The following TAF5L variants were observed in gnomAD, a reference collection of about 807,000 sequenced individuals.
The protein encoded by TAF5L is TAF5-like RNA polymerase II p300/CBP-associated factor-associated factor 65 kDa subunit 5L.
TAF5L carries 7 observed loss-of-function variants against 51.3 expected under a neutral mutation model. That is an observed-to-expected ratio of 0.14 (90% CI 0.08 to 0.26). The LOEUF (loss-of-function observed/expected upper bound fraction) is 0.26. TAF5L is among the 10% of genes least tolerant of loss of function. The probability of loss-of-function intolerance (pLI) is 1.00; values close to 1 mark genes in which losing one functional copy is unlikely to be tolerated. For synonymous variants in TAF5L, 291 were observed against 308.1 expected (o/e 0.94, Z 0.58); for missense variants, 575 against 758.9 (o/e 0.76, Z 2.85).
intron 2 of TAF5L, among the ~76,000 whole-genome samples, chr1:229,613,441 G>T (rs1278591468): frequency 1.3e-5 from 2 of 152,014 alleles, no homozygotes; most frequent in Non-Finnish European, 1.5e-5. Context: ...TCGGCCCTCT[G>T]TATCTGTGGG....
intron 1 of TAF5L, among the ~76,000 whole-genome samples, chr1:229,624,429 G>A (rs531590572): frequency 1.6e-4 from 24 of 152,126 alleles, no homozygotes; most frequent in Non-Finnish European, 3.4e-4. Context: ...TAGGACTACA[G>A]GGAACCTAGA....
At chr1:229,613,605 T>C (rs527892724) in intron 2 of TAF5L, among the ~76,000 whole-genome samples, 18 of 152,292 alleles carry the variant, frequency 1.2e-4, no homozygotes, top group African/African-American at 4.3e-4. Flanking sequence ...TTAGGAATTA[T>C]AAGTAATCTA....
At chr1:229,615,522 G>T (rs1664948204) in intron 1 of TAF5L, among the ~76,000 whole-genome samples, 1 of 151,928 alleles carries the variant, frequency 6.6e-6, no homozygotes, top group South Asian at 2.1e-4. Context: ...TGTAAGAAAG[G>T]AAAGTGGTAG....
intron 1 of TAF5L, among the ~76,000 whole-genome samples, chr1:229,614,966 C>A (rs1181656573): frequency 1.3e-5 from 2 of 152,158 alleles, no homozygotes; most frequent in Non-Finnish European, 2.9e-5. Flanking sequence ...TAGATGTTAA[C>A]AAAGCATGAA....
At chr1:229,606,813 ACCT>A in intron 3 of TAF5L, 2 of 985,262 alleles carry the variant, frequency 2.0e-6, no homozygotes, top group Non-Finnish European at 2.4e-6. Flanking sequence ...TTCCCACTAC[ACCT>A]CCTGAAGAAT....
chr1:229,622,704 T>C (rs1665257946), intron 1 of TAF5L, among the ~76,000 whole-genome samples: 1 of 152,156 alleles, frequency 6.6e-6, no homozygotes, highest in Non-Finnish European at 1.5e-5. Flanking sequence ...TTGACTGAGC[T>C]CAAAGATCTT....
At chr1:229,606,382 CTTCT>C (rs1664597015) in intron 3 of TAF5L, 4 of 972,172 alleles carry the variant, frequency 4.1e-6, no homozygotes, top group Non-Finnish European at 4.9e-6. Flanking sequence ...CTTTTTCTTC[CTTCT>C]ATCTACCCAC....
chr1:229,623,967 A>G (rs548338481), intron 1 of TAF5L, among the ~76,000 whole-genome samples: 33 of 152,326 alleles, frequency 2.2e-4, no homozygotes, highest in Admixed American at 1.6e-3. Context: ...TGATCAGAAC[A>G]CTTACTACCT....
chr1:229,600,089 T>G, intron 4 of TAF5L: 2 of 979,648 alleles, frequency 2.0e-6, no homozygotes, highest in Non-Finnish European at 2.4e-6. Context: ...AATAATAGTC[T>G]GTTTTAATTA....
At chr1:229,601,337 A>C in intron 4 of TAF5L, 1 of 985,406 alleles carries the variant, frequency 1.0e-6, no homozygotes, top group Non-Finnish European at 1.2e-6. Context: ...TTTCCATCCA[A>C]AGTAATGTGA....
At chr1:229,614,383 G>T in exon 2 of TAF5L, 1 of 1,614,200 alleles carries the variant, frequency 6.2e-7, no homozygotes, top group Admixed American at 1.7e-5. Flanking sequence ...TGTGACAGCC[G>T]CAGTCCTTGC....
intron 4 of TAF5L, among the ~76,000 whole-genome samples, chr1:229,598,513 G>A (rs1270623286): frequency 6.6e-6 from 1 of 152,120 alleles, no homozygotes; most frequent in Non-Finnish European, 1.5e-5. Context: ...ATTGCACACA[G>A]CTGTTTTACT....
rs1665406895 is a variant in TAF5L, at chr1:229,625,353, T to C, written c.-4+532A>G. ...ACACCCTTGCAGGTAAGCACTCTCC[T>C]GCAGCAGCTAGTCTAACTCTGGCTC... is the stretch of plus-strand genomic sequence containing the variant. On this transcript the variant is annotated intron_variant, in intron 1 of 4. Transcript: ENST00000258281. This position sits in a 1 kb window ranked among gnomAD's most constrained non-coding sequence, Gnocchi z 4.0. Among the ~76,000 whole-genome samples, 1 of 152,044 alleles carries C rather than the reference T, an allele frequency of 6.6e-6. No homozygotes were observed. The highest frequency in any genetic ancestry group is 1.9e-4 in the East Asian group (1 of 5,172).
At chr1:229,616,431 C>A (rs1294545668) in intron 1 of TAF5L, among the ~76,000 whole-genome samples, 1 of 151,566 alleles carries the variant, frequency 6.6e-6, no homozygotes, top group Non-Finnish European at 1.5e-5. Context: ...GTCTCAAACT[C>A]CTGGGCTTAA....
At chr1:229,613,034 G>C (rs987300053) in intron 2 of TAF5L, among the ~76,000 whole-genome samples, 1 of 151,948 alleles carries the variant, frequency 6.6e-6, no homozygotes. Context: ...GTAAAAGAAA[G>C]TCCTGTTACA....
In TAF5L at chr1:229,609,819, G is replaced by C. The variant is rs546167206; in HGVS notation, c.247+287C>G. 4.9e-4 allele frequency among the ~76,000 whole-genome samples: 74 copies of C among 152,244 alleles called. 1 individual carries two copies. The South Asian group carries it at 0.015, about 31-fold the overall frequency. ...GAATAAAACAGTGAATAAACACCCA[G>C]AGCTCTGCCCTTGTAAACTTAAACC... On this transcript the variant is annotated intron_variant, in intron 3 of 4. Transcript: ENST00000258281.
At chr1:229,607,040 T>G in intron 3 of TAF5L, 1 of 985,438 alleles carries the variant, frequency 1.0e-6, no homozygotes, top group Non-Finnish European at 1.2e-6. Context: ...TTCTCCTAAA[T>G]CCTAGCCTCA....
intron 1 of TAF5L, among the ~76,000 whole-genome samples, chr1:229,622,411 C>T (rs529854110): frequency 2.6e-5 from 4 of 152,050 alleles, no homozygotes; most frequent in Non-Finnish European, 5.9e-5. Context: ...CAAGCATATA[C>T]AATACATACT....
intron 1 of TAF5L, among the ~76,000 whole-genome samples, chr1:229,616,032 T>A (rs1326673925): frequency 2.6e-5 from 4 of 152,190 alleles, no homozygotes; most frequent in Non-Finnish European, 5.9e-5. Flanking sequence ...TTATTTTTTT[T>A]GAGACAGTGT....
Sources: allele counts gnomAD v4.1 joint callset (sites outside exome capture counted in the v4.1 genomes callset), GRCh38; gene constraint gnomAD v4.1.1; non-coding constraint Gnocchi (gnomAD v3.1); transcripts MANE v1.5; gene names NCBI Gene and HGNC (gene_info 2026-07-23, HGNC 2026-07-21).